The following OR51B5 variants were observed in gnomAD, a reference collection of about 807,000 sequenced individuals.
The protein encoded by OR51B5 is olfactory receptor 51B5.
For synonymous variants in OR51B5, 186 were observed against 144.8 expected, an observed-to-expected ratio of 1.28 and a Z score of -2.04; for missense variants, 456 against 374.6, an observed-to-expected ratio of 1.22 and a Z score of -1.79.
intron 1 of OR51B5, among the ~76,000 whole-genome samples, chr11:5,412,493 C>T (rs531617403): frequency 1.1e-3 from 162 of 152,296 alleles, no homozygotes; most frequent in Middle Eastern, 3.4e-3. Context: ...CGAGGCATTG[C>T]CTCACTCGGG....
At chr11:5,376,302 C>A (rs1443746792) in intron 1 of OR51B5, among the ~76,000 whole-genome samples, 1 of 152,146 alleles carries the variant, frequency 6.6e-6, no homozygotes, top group African/African-American at 2.4e-5. Context: ...CTCTGGGACA[C>A]ATTCGAATCA....
chr11:5,424,717 C>G (rs1257927372), intron 1 of OR51B5, among the ~76,000 whole-genome samples: 1 of 151,280 alleles, frequency 6.6e-6, no homozygotes, highest in Non-Finnish European at 1.5e-5. Context: ...CGGGGTGGCT[C>G]ACGCCTGTAA....
intron 1 of OR51B5, among the ~76,000 whole-genome samples, chr11:5,460,596 AG>A (rs200513337): frequency 0.024 from 2,693 of 111,724 alleles, 85 homozygotes; most frequent in African/African-American, 0.075. Flanking sequence ...CATTTCAATC[AG>A]GTTAAGAACC....
chr11:5,412,648 A>C (rs560476576), intron 1 of OR51B5, among the ~76,000 whole-genome samples: 4 of 152,186 alleles, frequency 2.6e-5, no homozygotes, highest in South Asian at 2.1e-4. Flanking sequence ...TATCCTGCAC[A>C]TGGCTCAGAG....
At chr11:5,466,790 T>G (rs1462751593) in intron 1 of OR51B5, among the ~76,000 whole-genome samples, 1 of 152,178 alleles carries the variant, frequency 6.6e-6, no homozygotes, top group African/African-American at 2.4e-5. Context: ...AAGTAGCACT[T>G]TCTTTGAGGC....
At chr11:5,386,295 G>A (rs2736536) in intron 1 of OR51B5, among the ~76,000 whole-genome samples, 1 of 151,784 alleles carries the variant, frequency 6.6e-6, no homozygotes, top group Non-Finnish European at 1.5e-5. Flanking sequence ...AAGAAGGACC[G>A]GGCTAAAGAT....
intron 1 of OR51B5, among the ~76,000 whole-genome samples, chr11:5,503,407 G>A (rs1199544563): frequency 4.0e-5 from 6 of 148,856 alleles, no homozygotes; most frequent in African/African-American, 1.2e-4. Context: ...CTTATTTGAA[G>A]AAACTACACT....
At chr11:5,349,146 G>T (rs1204185020) in intron 1 of OR51B5, among the ~76,000 whole-genome samples, 3 of 152,032 alleles carry the variant, frequency 2.0e-5, no homozygotes, top group African/African-American at 4.8e-5. Context: ...ATGAGGCAAA[G>T]GTTTTAGATT....
chr11:5,453,949 T>G, intron 1 of OR51B5: 1 of 1,614,198 alleles, frequency 6.2e-7, no homozygotes, highest in Non-Finnish European at 8.5e-7. Context: ...CGAAGCTTCA[T>G]CACCCTTTTC....
At chr11:5,350,146 T>C (rs536692528) in intron 1 of OR51B5, among the ~76,000 whole-genome samples, 1 of 152,288 alleles carries the variant, frequency 6.6e-6, no homozygotes, top group East Asian at 1.9e-4. Context: ...TATCCACTCT[T>C]TACAAAACAT....
chr11:5,349,506 G>A (rs966887754), intron 1 of OR51B5, among the ~76,000 whole-genome samples: 1 of 151,164 alleles, frequency 6.6e-6, no homozygotes, highest in Non-Finnish European at 1.5e-5. Context: ...CTTTATTTAG[G>A]TATATTTAAA....
At chr11:5,488,430 AG>A (rs1435805324) in intron 1 of OR51B5, among the ~76,000 whole-genome samples, 1 of 152,186 alleles carries the variant, frequency 6.6e-6, no homozygotes, top group Non-Finnish European at 1.5e-5. Flanking sequence ...AAGTCTGGAA[AG>A]GTCAGTTTGA....
intron 1 of OR51B5, among the ~76,000 whole-genome samples, chr11:5,403,900 G>A (rs1415583610): frequency 1.3e-5 from 2 of 152,034 alleles, no homozygotes; most frequent in Non-Finnish European, 2.9e-5. Flanking sequence ...AGCCCTCTGT[G>A]CTAGGAAGAG....
chr11:5,504,360 TG>T (rs922425906), intron 1 of OR51B5, among the ~76,000 whole-genome samples: 2 of 152,230 alleles, frequency 1.3e-5, no homozygotes, highest in Non-Finnish European at 2.9e-5. Flanking sequence ...GCAAATCTCT[TG>T]GTCTGAAGAA....
chr11:5,505,241 T>C, intron 1 of OR51B5: 3 of 1,116,408 alleles, frequency 2.7e-6, no homozygotes, highest in Middle Eastern at 4.8e-4. Flanking sequence ...GCAGTAACAT[T>C]GCTATTAGGT....
intron 1 of OR51B5, among the ~76,000 whole-genome samples, chr11:5,412,574 G>A (rs867660484): frequency 1.1e-4 from 16 of 152,164 alleles, no homozygotes. Flanking sequence ...TGGAAAATCG[G>A]GTCACTGCCA....
At position 5,357,054 on chromosome 11, in the gene OR51B5, A is replaced by G. The variant is rs1849205054; in HGVS notation, n.85-10144T>C. 1.3e-5 allele frequency among the ~76,000 whole-genome samples: 2 copies of G among 152,076 alleles called. 1 individual carries two copies. The highest frequency in any genetic ancestry group is 4.2e-4 in the South Asian group (2 of 4,812). On this transcript the variant is annotated intron_variant and non_coding_transcript_variant, in intron 1 of 4. Coordinates refer to the OR51B5 transcript ENST00000415970. ...ATTGTAAAGACCATTGAGGCTAGGAAGAAACTGCATCAACTAATGAGCAAA... is the reference window on the plus strand; with the variant it reads ...ATTGTAAAGACCATTGAGGCTAGGAGGAAACTGCATCAACTAATGAGCAAA...
intron 1 of OR51B5, among the ~76,000 whole-genome samples, chr11:5,433,276 T>C (rs938997631): frequency 7.2e-5 from 11 of 152,150 alleles, no homozygotes; most frequent in African/African-American, 1.9e-4. Context: ...AGTCAGAAGG[T>C]TGAAATAATA....
chr11:5,451,138 C>T (rs1850841429), intron 1 of OR51B5, among the ~76,000 whole-genome samples: 1 of 152,176 alleles, frequency 6.6e-6, no homozygotes, highest in Non-Finnish European at 1.5e-5. Context: ...CATTTTCTTT[C>T]TCAGTATTAC....
Sources: allele counts gnomAD v4.1 joint callset (sites outside exome capture counted in the v4.1 genomes callset), GRCh38; gene constraint gnomAD v4.1.1; transcripts MANE v1.5; gene names NCBI Gene and HGNC (gene_info 2026-07-23, HGNC 2026-07-21).